Variants in SPIRE1 observed in about 807,000 individuals in gnomAD.
The protein encoded by SPIRE1 is spire type actin nucleation factor 1, also known as protein spire homolog 1.
SPIRE1 carries 40 observed loss-of-function variants against 94.1 expected under a neutral mutation model. The ratio of observed to expected loss-of-function variants is 0.43; its 90% confidence interval spans 0.33 to 0.55. The LOEUF (loss-of-function observed/expected upper bound fraction) is 0.55, where lower values mean the gene tolerates loss of function less well. Ranked by LOEUF, SPIRE1 falls within the 20% of genes least tolerant of loss-of-function variation. The pLI is 0.06. For synonymous variants in SPIRE1, 376 were observed against 371.7 expected (o/e 1.01, Z -0.13); for missense variants, 838 against 975.2 (o/e 0.86, Z 1.87).
chr18:12,538,041 A>T (rs1449059201), intron 3 of SPIRE1, among the ~76,000 whole-genome samples: 1 of 152,076 alleles, frequency 6.6e-6, no homozygotes, highest in Non-Finnish European at 1.5e-5. Context: ...CCTTGCAACA[A>T]CCCAATTTAG....
intron 2 of SPIRE1, among the ~76,000 whole-genome samples, chr18:12,569,342 A>C (rs1267461485): frequency 3.0e-5 from 1 of 33,268 alleles, no homozygotes; most frequent in Non-Finnish European, 5.9e-5. Context: ...CTCCGTCTCA[A>C]AAAAAAAAAA....
At chr18:12,635,241 T>A (rs987365047) in intron 1 of SPIRE1, 145 bp from the exon 2 acceptor site, 1 of 484,602 alleles carries the variant, frequency 2.1e-6, no homozygotes, top group Non-Finnish European at 3.7e-6. Flanking sequence ...TGACCAAATA[T>A]CCCTGAAGGT....
At chr18:12,493,260 T>G in intron 7 of SPIRE1, 59 bp from the exon 8 acceptor site, 1 of 1,476,596 alleles carries the variant, frequency 6.8e-7, no homozygotes, top group Non-Finnish European at 9.3e-7. Flanking sequence ...TACTGAAGTC[T>G]AGTCATACAG....
chr18:12,611,665 CTTTGTT>C (rs763827759), intron 2 of SPIRE1, among the ~76,000 whole-genome samples: 26 of 152,036 alleles, frequency 1.7e-4, no homozygotes, highest in Non-Finnish European at 2.5e-4. Flanking sequence ...TTAAGTTTTA[CTTTGTT>C]TTTGTTTTTT....
intron 1 of SPIRE1, among the ~76,000 whole-genome samples, chr18:12,647,848 G>A (rs2095666262): frequency 6.6e-6 from 1 of 152,138 alleles, no homozygotes; most frequent in East Asian, 1.9e-4. Context: ...AGAAACAAGA[G>A]CTCCCTGGAA....
chr18:12,487,410 T>C (rs972759311), intron 8 of SPIRE1, among the ~76,000 whole-genome samples: 1 of 150,526 alleles, frequency 6.6e-6, no homozygotes, highest in Admixed American at 6.6e-5. Context: ...TTCTTTTTTT[T>C]TTTTTTTTGA....
Position 12,508,060 on chromosome 18 carries a change from C to T in SPIRE1, c.808-1419G>A, listed in dbSNP as rs528088294. 6.4e-4 allele frequency among the ~76,000 whole-genome samples: 97 copies of T among 151,634 alleles called. 1 individual carries two copies. Among genetic ancestry groups the T allele is most frequent in the Admixed American group, 2.1e-3 (32 of 15,222 alleles). On this transcript the variant is annotated intron_variant, in intron 5 of 16. Transcript: ENST00000409402. ...ACTCAGGAGGCTGAGGCAGGAGAATCGCTTGAACCTGGGAGGCGGAGGTTG... is the reference window on the plus strand; with the variant it reads ...ACTCAGGAGGCTGAGGCAGGAGAATTGCTTGAACCTGGGAGGCGGAGGTTG...
intron 4 of SPIRE1, among the ~76,000 whole-genome samples, chr18:12,531,320 CT>C (rs2034676277): frequency 6.6e-6 from 1 of 152,226 alleles, no homozygotes; most frequent in Admixed American, 6.5e-5. Context: ...CATAAACTCT[CT>C]TCTCTCCAAA....
In SPIRE1 at chr18:12,657,989, C is replaced by T; in HGVS notation, c.-123G>A. The T allele has an allele frequency of 2.0e-6, 2 of 992,062 alleles. No homozygotes were observed. The highest frequency in any genetic ancestry group is 2.4e-6 in the Non-Finnish European group (2 of 835,106). 61.5% of individuals were successfully genotyped at this position (992,062 alleles called of 1,614,324 possible). A position where few individuals can be genotyped will look rare whatever the true frequency, so the allele number is the denominator to read the frequency against. Reference sequence around the variant, plus strand: ...GAACCGCCGCCGCCCAACGCGGCCGCGCGCGCCGCCGCCGGGACCAGGCGA... The same window carrying T: ...GAACCGCCGCCGCCCAACGCGGCCGTGCGCGCCGCCGCCGGGACCAGGCGA... On this transcript the variant is annotated 5_prime_UTR_variant, in exon 1 of 17. Coordinates refer to ENST00000409402, the MANE Select transcript of SPIRE1 (RefSeq NM_001128626.2).
intron 3 of SPIRE1, among the ~76,000 whole-genome samples, chr18:12,541,301 G>C (rs2035007931): frequency 6.6e-6 from 1 of 152,148 alleles, no homozygotes; most frequent in Non-Finnish European, 1.5e-5. Flanking sequence ...TACCTGAAAA[G>C]AATGTGTACT....
intron 4 of SPIRE1, among the ~76,000 whole-genome samples, chr18:12,517,186 T>C (rs971413785): frequency 6.6e-6 from 1 of 152,234 alleles, no homozygotes; most frequent in Non-Finnish European, 1.5e-5. Context: ...TCAGACCATA[T>C]TGAACATTCA....
intron 10 of SPIRE1, among the ~76,000 whole-genome samples, chr18:12,478,045 C>T (rs1422498179): frequency 1.3e-5 from 2 of 151,870 alleles, no homozygotes; most frequent in Non-Finnish European, 2.9e-5. Context: ...GAAAGAGAGA[C>T]CAACTGACGT....
intron 1 of SPIRE1, among the ~76,000 whole-genome samples, chr18:12,654,661 A>C (rs1176049047): frequency 6.6e-6 from 1 of 152,168 alleles, no homozygotes; most frequent in African/African-American, 2.4e-5. Context: ...TCTCAAAAAA[A>C]AAAAAATTAT....
rs759567988 is a variant in SPIRE1, at chr18:12,493,084, G to A, written c.1177C>T (p.Arg393Cys). 6.8e-6 allele frequency: 11 copies of A among 1,612,028 alleles called. No homozygotes were observed. The East Asian group carries it at 8.9e-5, about 13-fold the overall frequency. ...LRPVSPEEIR[R>C]SRLAMRPLSM... Reference sequence around the variant, plus strand: ...GCAGTGGACTCACCTAATCTGCTACGTCTAATCTCCTCTGGTGATACAGGC... The same window carrying A: ...GCAGTGGACTCACCTAATCTGCTACATCTAATCTCCTCTGGTGATACAGGC... The change falls in exon 8 of 17, where the codon CGT (arginine) becomes TGT (cysteine). Residue 393 changes from arginine to cysteine, a missense_variant. This residue lies in a region of SPIRE1 where 645 missense variants were observed against 804.7 expected (regional missense o/e 0.80). Transcript: ENST00000409402.
intron 2 of SPIRE1, among the ~76,000 whole-genome samples, chr18:12,579,239 C>A (rs1306819286): frequency 7.0e-6 from 1 of 143,228 alleles, no homozygotes; most frequent in Non-Finnish European, 1.6e-5. Flanking sequence ...ACACAAAATA[C>A]TGACTAGTAA....
At position 12,546,738 on chromosome 18, in the gene SPIRE1, C is replaced by G. The variant is rs776757245; in HGVS notation, c.539G>C (p.Gly180Ala). The part of the protein sequence containing the change: ...NDEGYEAAEE[G>A]LGDEDEKRKI... ...TCTCTTTTCATCTTCATCTCCCAGG[C>G]CTTCTTCTGCAGCCTCATAGCCCTC... The change falls in exon 3 of 17, where the codon GGC (glycine) becomes GCC (alanine). Residue 180 changes from glycine (G) to alanine (A), a missense_variant. By Grantham distance (60) the Gly-to-Ala change is moderately conservative. Around this residue, in one of 2 missense-constraint regions of SPIRE1, gnomAD observed 645 missense variants for 804.7 expected, o/e 0.80. Coordinates refer to ENST00000409402, the MANE Select transcript of SPIRE1 (RefSeq NM_001128626.2). 11 of 1,614,156 alleles carry G rather than the reference C, an allele frequency of 6.8e-6. No individual in the cohort carries two copies. Among genetic ancestry groups the G allele is most frequent in the Non-Finnish European group, 9.3e-6 (11 of 1,180,018 alleles).
intron 1 of SPIRE1, among the ~76,000 whole-genome samples, chr18:12,639,855 C>T (rs547950755): frequency 6.6e-6 from 1 of 151,342 alleles, no homozygotes; most frequent in African/African-American, 2.4e-5. Flanking sequence ...GGCAACAGAG[C>T]CAGACATTGT....
At chr18:12,467,785 A>T (rs995303354) in intron 10 of SPIRE1, among the ~76,000 whole-genome samples, 1 of 152,186 alleles carries the variant, frequency 6.6e-6, no homozygotes, top group Admixed American at 6.5e-5. Context: ...CTCTGTCTCT[A>T]CTAAAAATAC....
intron 14 of SPIRE1, 94 bp downstream of exon 14, chr18:12,452,974 T>C: frequency 5.1e-6 from 4 of 784,140 alleles, no homozygotes; most frequent in Non-Finnish European, 8.1e-6. Flanking sequence ...TCTAATTTTA[T>C]TCCTGTTTAG....
Sources: gnomAD v4.1 joint callset for allele counts (sites outside exome capture counted in the v4.1 genomes callset) on GRCh38, gnomAD v4.1.1 for gene constraint, gnomAD v4.1.1 regional missense constraint, MANE v1.5 for transcripts, NCBI Gene and HGNC (gene_info 2026-07-23, HGNC 2026-07-21) for gene names.